SIDT1: variants seen among roughly 807,000 people sequenced by gnomAD.
SIDT1 encodes the protein SID1 transmembrane family, member 1.
A neutral mutation model predicts 107.5 loss-of-function variants in SIDT1; 101 were observed. The ratio of observed to expected loss-of-function variants is 0.94; its 90% CI spans 0.80 to 1.11. The LOEUF is 1.11. Among genes scored for constraint, SIDT1 ranks in the 50% least tolerant of loss-of-function variants. The pLI, the probability that SIDT1 is intolerant of heterozygous loss-of-function variation, is 0.00. For synonymous variants in SIDT1, 395 were observed against 398.2 expected, an observed-to-expected ratio of 0.99 and a Z score of 0.10; for missense variants, 1,076 against 1,058.2, an observed-to-expected ratio of 1.02 and a Z score of -0.23.
At chr3:113,587,118 G>A (rs1297370112) in intron 9 of SIDT1, among the ~76,000 whole-genome samples, 1 of 151,980 alleles carries the variant, frequency 6.6e-6, no homozygotes, top group Admixed American at 6.6e-5. Flanking sequence ...GAAATATTTA[G>A]GAATAAAAGT....
intron 10 of SIDT1, chr3:113,594,740 A>G (rs1009424151): frequency 1.3e-5 from 2 of 152,486 alleles, no homozygotes; most frequent in African/African-American, 4.8e-5. Context: ...AAGATGCATC[A>G]TTGAGATTCA....
chr3:113,536,896 C>T (rs1457601336), intron 1 of SIDT1, among the ~76,000 whole-genome samples: 2 of 152,240 alleles, frequency 1.3e-5, no homozygotes, highest in Admixed American at 1.3e-4. Flanking sequence ...GAGGGCTATA[C>T]TGTGCAAACA....
At chr3:113,595,325 CATT>C (rs2107618345) in intron 10 of SIDT1, among the ~76,000 whole-genome samples, 1 of 152,214 alleles carries the variant, frequency 6.6e-6, no homozygotes, top group East Asian at 1.9e-4. Flanking sequence ...GTAATCCCAG[CATT>C]TGGGGAGGCC....
Position 113,623,766 on chromosome 3 carries a change from C to T in SIDT1, c.2307+33C>T, listed in dbSNP as rs113562372. 801 of 1,466,022 alleles carry T rather than the reference C, an allele frequency of 5.5e-4. 10 individuals are homozygous for T. In the African/African-American group the frequency reaches 9.8e-3, roughly 18 times the overall value. 90.8% of individuals were successfully genotyped at this position (1,466,022 alleles called of 1,614,324 possible). A position where few individuals can be genotyped will look rare whatever the true frequency, so the allele number is the denominator to read the frequency against. ...GCCAGTTTTCTTATCCAAAAACAACCTCTCTCTCCAACTTGCCATTTTGGC... is the reference window on the plus strand; with the variant it reads ...GCCAGTTTTCTTATCCAAAAACAACTTCTCTCTCCAACTTGCCATTTTGGC... On this transcript the variant is annotated intron_variant, in intron 23 of 24. Transcript: ENST00000264852.
intron 1 of SIDT1, among the ~76,000 whole-genome samples, chr3:113,547,291 G>C (rs777862068): frequency 1.1e-4 from 16 of 151,962 alleles, no homozygotes; most frequent in African/African-American, 3.6e-4. Flanking sequence ...TTTTTAAAAA[G>C]AGTGTTCTGT....
At chr3:113,622,872 A>G (rs900348279) in intron 21 of SIDT1, among the ~76,000 whole-genome samples, 4 of 152,150 alleles carry the variant, frequency 2.6e-5, no homozygotes, top group Non-Finnish European at 4.4e-5. Flanking sequence ...GAATGCTTGG[A>G]AGAAAGTGTA....
chr3:113,563,348 AT>A (rs140673077), intron 1 of SIDT1, among the ~76,000 whole-genome samples: 41,500 of 151,976 alleles, frequency 0.27, 6,247 homozygotes, highest in East Asian at 0.58. Flanking sequence ...GGTTTAAATA[AT>A]TTTTTTAGGA....
chr3:113,596,099 C>G (rs1944527014), intron 10 of SIDT1, among the ~76,000 whole-genome samples: 1 of 152,222 alleles, frequency 6.6e-6, no homozygotes, highest in Non-Finnish European at 1.5e-5. Flanking sequence ...ACAGGAAATG[C>G]CTTGGGTGCT....
At chr3:113,615,865 T>C (rs1441344266) in intron 19 of SIDT1, among the ~76,000 whole-genome samples, 1 of 152,238 alleles carries the variant, frequency 6.6e-6, no homozygotes, top group African/African-American at 2.4e-5. Context: ...GTGCTTGTTG[T>C]TCATGTCCAT....
intron 1 of SIDT1, among the ~76,000 whole-genome samples, chr3:113,536,308 G>C (rs988350006): frequency 6.6e-6 from 1 of 152,120 alleles, no homozygotes; most frequent in Non-Finnish European, 1.5e-5. Flanking sequence ...CCAGACCTAC[G>C]ATCTTTAGAG....
At chr3:113,548,235 T>A (rs766642971) in intron 1 of SIDT1, among the ~76,000 whole-genome samples, 2 of 152,154 alleles carry the variant, frequency 1.3e-5, no homozygotes, top group Non-Finnish European at 1.5e-5. Context: ...GTATTTTTTA[T>A]TAACTAAATC....
At chr3:113,556,884 A>AT in intron 1 of SIDT1, among the ~76,000 whole-genome samples, 1 of 129,536 alleles carries the variant, frequency 7.7e-6, no homozygotes, top group African/African-American at 2.9e-5. Flanking sequence ...CAGTGGCAGG[A>AT]TCTCGCCTCA....
In SIDT1 at chr3:113,532,655, T is replaced by C. The variant is rs1470278817; in HGVS notation, c.-367T>C. On this transcript the variant is annotated 5_prime_UTR_variant, in exon 1 of 25. Transcript: ENST00000264852. ...TAATGACTCCAATGCCTTTTTATTA[T>C]TGCTGTTATTGAGGTTGAGGGAGAA... The C allele has an allele frequency of 9.2e-6, 2 of 216,582 alleles. No individual in the cohort carries two copies. Among genetic ancestry groups the C allele is most frequent in the African/African-American group, 4.6e-5 (2 of 43,802 alleles). The allele number at this position is 216,582 out of a possible 1,614,324, so 13.4% of individuals were successfully genotyped here. A position where few individuals can be genotyped will look rare whatever the true frequency, so the allele number is the denominator to read the frequency against.
At chr3:113,607,170 T>A in intron 15 of SIDT1, 56 bp downstream of exon 15, 1 of 1,140,792 alleles carries the variant, frequency 8.8e-7, no homozygotes, top group Non-Finnish European at 1.3e-6. Context: ...TTCTGTCTAA[T>A]GTTGTGATTT....
Position 113,581,544 on chromosome 3 carries a change from G to A in SIDT1, c.747+100G>A, listed in dbSNP as rs1207635024. The A allele has an allele frequency of 3.4e-5, 31 of 906,690 alleles. No individual in the cohort carries two copies. The East Asian group carries it at 7.2e-4, about 21-fold the overall frequency. 56.2% of individuals were successfully genotyped at this position (906,690 alleles called of 1,614,324 possible). ...CAAAAGGGATGGCCATCCATGATGT[G>A]CCTAGGATCTCCTTCCTTTCTGATT... On this transcript the variant is annotated intron_variant, in intron 6 of 24. Transcript: ENST00000264852.
intron 1 of SIDT1, among the ~76,000 whole-genome samples, chr3:113,537,248 A>G (rs941766639): frequency 2.6e-4 from 39 of 152,198 alleles, no homozygotes; most frequent in Non-Finnish European, 5.3e-4. Flanking sequence ...TCTTTTAATG[A>G]CATATATTAT....
Position 113,532,596 on chromosome 3 carries a change from G to A in SIDT1, c.-426G>A, listed in dbSNP as rs1937604224. ...GAATTTCCTCCTCGATGTGGCGTCA[G>A]GTTGACTTTTCGAGACTAGCGGGTA... On this transcript the variant is annotated 5_prime_UTR_variant, in exon 1 of 25. Coordinates refer to ENST00000264852, the MANE Select transcript of SIDT1 (RefSeq NM_017699.3). 6.2e-6 allele frequency: 1 copy of A among 160,764 alleles called. No individual in the cohort carries two copies. The highest frequency in any genetic ancestry group is 2.0e-4 in the South Asian group (1 of 4,906). The allele number at this position is 160,764 out of a possible 1,614,324, so 10.0% of individuals were successfully genotyped here. A position where few individuals can be genotyped will look rare whatever the true frequency, so the allele number is the denominator to read the frequency against.
chr3:113,553,884 A>G (rs767175892), intron 1 of SIDT1, among the ~76,000 whole-genome samples: 1 of 152,184 alleles, frequency 6.6e-6, no homozygotes, highest in African/African-American at 2.4e-5. Flanking sequence ...CATCCCTACT[A>G]AAAATACAAA....
intron 1 of SIDT1, among the ~76,000 whole-genome samples, chr3:113,544,482 G>A (rs932052723): frequency 2.0e-5 from 3 of 151,960 alleles, no homozygotes; most frequent in Admixed American, 6.5e-5. Flanking sequence ...GAGCTACCAC[G>A]CAAGGACAGT....
Sources: allele counts gnomAD v4.1 joint callset (sites outside exome capture counted in the v4.1 genomes callset), GRCh38; gene constraint gnomAD v4.1.1; transcripts MANE v1.5; gene names NCBI Gene and HGNC (gene_info 2026-07-23, HGNC 2026-07-21).